UGT1A10: variants seen among roughly 807,000 people sequenced by gnomAD.
UGT1A10 encodes UDP-glucuronosyltransferase 1A10.
A neutral mutation model predicts 45.8 loss-of-function variants in UGT1A10; 49 were observed. The observed-to-expected ratio is 1.07, with a 90% CI of 0.85 to 1.36. UGT1A10 has a LOEUF of 1.36. UGT1A10 is among the 40% of genes most tolerant of loss of function. The pLI is 0.00. For missense variants in UGT1A10, 745 were observed against 668.6 expected, an observed-to-expected ratio of 1.11 and a Z score of -1.26; for synonymous variants, 284 against 249.7, an observed-to-expected ratio of 1.14 and a Z score of -1.29.
chr2:233,757,298 TG>T (rs1270061010), intron 1 of UGT1A10, among the ~76,000 whole-genome samples: 3 of 5,528 alleles, frequency 5.4e-4, no homozygotes, highest in Non-Finnish European at 9.8e-4. Context: ...AGCTGGGGGT[TG>T]GGGGACAGGG....
intron 1 of UGT1A10, chr2:233,729,374 C>T (rs143192251): frequency 1.1e-5 from 17 of 1,613,890 alleles, no homozygotes; most frequent in Non-Finnish European, 5.1e-6. Context: ...TATGCCATTT[C>T]GTGGACCCAG....
chr2:233,743,626 G>T (rs1399385903), intron 1 of UGT1A10: 3 of 1,367,322 alleles, frequency 2.2e-6, no homozygotes, highest in Non-Finnish European at 2.9e-6. Flanking sequence ...TGAAGACGTC[G>T]GCTGGGTCGC....
chr2:233,703,749 A>G, intron 1 of UGT1A10, among the ~76,000 whole-genome samples: 1 of 151,980 alleles, frequency 6.6e-6, no homozygotes, highest in Non-Finnish European at 1.5e-5. Context: ...TTAAATCTCA[A>G]ATGTATCTTC....
At chr2:233,753,951 A>G (rs1466645267) in intron 1 of UGT1A10, among the ~76,000 whole-genome samples, 1 of 152,178 alleles carries the variant, frequency 6.6e-6, no homozygotes, top group Non-Finnish European at 1.5e-5. Flanking sequence ...ATGACCTCCA[A>G]AATATTAAGA....
chr2:233,717,042 C>T (rs1248182808), intron 1 of UGT1A10, among the ~76,000 whole-genome samples: 1 of 152,164 alleles, frequency 6.6e-6, no homozygotes, highest in African/African-American at 2.4e-5. Context: ...GATACATGGG[C>T]CTCCGCAGGG....
At chr2:233,729,642 T>A in intron 1 of UGT1A10, 2 of 1,613,942 alleles carry the variant, frequency 1.2e-6, no homozygotes, top group Non-Finnish European at 1.7e-6. Context: ...CTGTGTTTTT[T>A]TTGAGGAACA....
At chr2:233,740,942 A>G (rs1313081158) in intron 1 of UGT1A10, 4 of 151,462 alleles carry the variant, frequency 2.6e-5, no homozygotes, top group African/African-American at 4.9e-5. Context: ...TTTTTTAATT[A>G]GCTAGGTGTG....
chr2:233,666,936 G>A (rs2074090815), intron 1 of UGT1A10, among the ~76,000 whole-genome samples: 1 of 152,124 alleles, frequency 6.6e-6, no homozygotes, highest in Non-Finnish European at 1.5e-5. Context: ...TGCTGAGAAT[G>A]ATGGTTTCCA....
chr2:233,700,524 T>A (rs1335127012), intron 1 of UGT1A10, among the ~76,000 whole-genome samples: 1 of 152,166 alleles, frequency 6.6e-6, no homozygotes, highest in Non-Finnish European at 1.5e-5. Flanking sequence ...GTAATTTAGA[T>A]AACTCTAGGA....
chr2:233,704,184 C>G (rs2075771815), intron 1 of UGT1A10, among the ~76,000 whole-genome samples: 1 of 151,754 alleles, frequency 6.6e-6, no homozygotes, highest in Admixed American at 6.6e-5. Flanking sequence ...AGCCACTGTG[C>G]CTGGCCCCAT....
At chr2:233,733,970 C>T (rs1298818177) in intron 1 of UGT1A10, among the ~76,000 whole-genome samples, 52 of 151,482 alleles carry the variant, frequency 3.4e-4, no homozygotes, top group East Asian at 9.7e-4. Flanking sequence ...GTAGGGGGAG[C>T]GGGGAGGGAT....
chr2:233,720,263 C>A (rs982246715), intron 1 of UGT1A10, among the ~76,000 whole-genome samples: 3 of 152,084 alleles, frequency 2.0e-5, no homozygotes, highest in African/African-American at 7.2e-5. Flanking sequence ...AGAGAGGGAT[C>A]TGTCCTGAGA....
At chr2:233,730,026 C>G (rs2077971569) in intron 1 of UGT1A10, 3 of 1,613,402 alleles carry the variant, frequency 1.9e-6, no homozygotes, top group African/African-American at 2.7e-5. Flanking sequence ...AATCAATGTT[C>G]CAGGCAAAAC....
intron 1 of UGT1A10, chr2:233,672,914 A>G: frequency 6.7e-7 from 1 of 1,501,600 alleles, no homozygotes; most frequent in East Asian, 2.3e-5. Flanking sequence ...CAGTTTAACA[A>G]ATTATTTTGT....
At chr2:233,743,802 T>C (rs181906347) in intron 1 of UGT1A10, 13 of 1,367,286 alleles carry the variant, frequency 9.5e-6, no homozygotes, top group Non-Finnish European at 1.3e-5. Context: ...GCTTCCTCCT[T>C]GTTCTCAGGG....
intron 1 of UGT1A10, chr2:233,730,119 C>T (rs1050409403): frequency 6.4e-7 from 1 of 1,553,794 alleles, no homozygotes; most frequent in Non-Finnish European, 8.7e-7. Context: ...TTCTCCTTGT[C>T]ATAATAGCCT....
chr2:233,701,994 C>G (rs1220437125), intron 1 of UGT1A10, among the ~76,000 whole-genome samples: 1 of 152,050 alleles, frequency 6.6e-6, no homozygotes, highest in East Asian at 1.9e-4. Context: ...TAACTAAGAT[C>G]AGAGCAGAAC....
Position 233,741,236 on chromosome 2 carries a change from A to C in UGT1A10, c.856-25798A>C, listed in dbSNP as rs1691598221. ...AGTTGTTACAGACCCACTACCTCTG[A>C]GTGACACTGGTATGCCACTCTTTGC... On this transcript the variant is annotated intron_variant, in intron 1 of 4. Coordinates refer to ENST00000344644, the MANE Select transcript of UGT1A10 (RefSeq NM_019075.4). 1.3e-5 allele frequency among the ~76,000 whole-genome samples: 2 copies of C among 151,870 alleles called. 1 individual carries two copies. The highest frequency in any genetic ancestry group is 4.9e-5 in the African/African-American group (2 of 41,122).
chr2:233,716,952 C>T (rs1236803568), intron 1 of UGT1A10, among the ~76,000 whole-genome samples: 3 of 152,142 alleles, frequency 2.0e-5, no homozygotes, highest in Non-Finnish European at 4.4e-5. Context: ...TCCCAGGCAC[C>T]AGGAATGTGA....
Sources: gnomAD v4.1 joint callset for allele counts (sites outside exome capture counted in the v4.1 genomes callset) on GRCh38, gnomAD v4.1.1 for gene constraint, MANE v1.5 for transcripts, NCBI Gene and HGNC (gene_info 2026-07-23, HGNC 2026-07-21) for gene names.